SLC9A2: variants seen among roughly 807,000 people sequenced by gnomAD.
SLC9A2 encodes sodium/hydrogen exchanger 2.
A neutral mutation model predicts 71.7 loss-of-function variants in SLC9A2; 42 were observed. The observed-to-expected ratio is 0.59, with a 90% CI of 0.46 to 0.76. The LOEUF is 0.76. Among genes scored for constraint, SLC9A2 ranks in the 30% least tolerant of loss-of-function variants. The pLI, the probability that SLC9A2 is intolerant of heterozygous loss-of-function variation, is 0.00. For synonymous variants in SLC9A2, 396 were observed against 392.5 expected, an observed-to-expected ratio of 1.01 and a Z score of -0.10; for missense variants, 829 against 1,017.4, an observed-to-expected ratio of 0.81 and a Z score of 2.52.
intron 3 of SLC9A2, 138 bp downstream of exon 3, chr2:102,665,488 T>C: frequency 9.5e-7 from 1 of 1,050,212 alleles, no homozygotes. Context: ...AAAAATAGAT[T>C]TTTCGGACGG....
At position 102,619,575 on chromosome 2, in the gene SLC9A2, G is replaced by A; in HGVS notation, c.-274G>A. ...GCTGGAGAGCAGCGCACCGGCATGGGCAGGCGGCCGGCGGCGGAGGGCGGC... is the reference window on the plus strand; with the variant it reads ...GCTGGAGAGCAGCGCACCGGCATGGACAGGCGGCCGGCGGCGGAGGGCGGC... On this transcript the variant is annotated 5_prime_UTR_variant, in exon 1 of 12. Coordinates refer to ENST00000233969, the MANE Select transcript of SLC9A2 (RefSeq NM_003048.6). The surrounding 1 kb of genome is among the most constrained non-coding windows in gnomAD (Gnocchi z 4.3). The A allele has an allele frequency of 1.0e-5, 3 of 289,662 alleles. No homozygotes were observed. The highest frequency in any genetic ancestry group is 1.9e-5 in the Non-Finnish European group (3 of 157,834). 17.9% of individuals were successfully genotyped at this position (289,662 alleles called of 1,614,324 possible). A position where few individuals can be genotyped will look rare whatever the true frequency, so the allele number is the denominator to read the frequency against.
chr2:102,705,771 A>C (rs1677962563), intron 10 of SLC9A2, 75 bp from the exon 11 acceptor site: 2 of 841,322 alleles, frequency 2.4e-6, no homozygotes, highest in Non-Finnish European at 3.6e-6. Flanking sequence ...AAGTTTTGCT[A>C]TACAATTTTT....
At chr2:102,680,016 G>A (rs571188055) in intron 3 of SLC9A2, among the ~76,000 whole-genome samples, 1 of 152,262 alleles carries the variant, frequency 6.6e-6, no homozygotes, top group South Asian at 2.1e-4. Flanking sequence ...GTACTTTGGT[G>A]TTCATGTCTT....
intron 3 of SLC9A2, among the ~76,000 whole-genome samples, chr2:102,678,636 G>A (rs930446575): frequency 2.0e-5 from 3 of 152,166 alleles, no homozygotes; most frequent in Non-Finnish European, 4.4e-5. Flanking sequence ...TGATAGTGTG[G>A]TGGCACTGTG....
intron 2 of SLC9A2, among the ~76,000 whole-genome samples, chr2:102,664,074 A>G (rs1407547276): frequency 6.6e-6 from 1 of 151,956 alleles, no homozygotes; most frequent in Non-Finnish European, 1.5e-5. Context: ...TCAGGAGTTC[A>G]AGACCAGCCT....
chr2:102,632,219 T>A (rs1558701650), intron 1 of SLC9A2, among the ~76,000 whole-genome samples: 1 of 141,486 alleles, frequency 7.1e-6, no homozygotes, highest in East Asian at 2.0e-4. Flanking sequence ...TAAATATATA[T>A]ATTTATTATA....
intron 10 of SLC9A2, among the ~76,000 whole-genome samples, chr2:102,704,918 G>A (rs980321263): frequency 6.6e-6 from 1 of 152,154 alleles, no homozygotes; most frequent in Non-Finnish European, 1.5e-5. Context: ...TCGTGGGCCG[G>A]TCGTGGTGGC....
At chr2:102,689,909 AG>A (rs1262239518) in intron 5 of SLC9A2, 1 of 152,198 alleles carries the variant, frequency 6.6e-6, no homozygotes, top group Non-Finnish European at 1.5e-5. Flanking sequence ...TAGACATCTA[AG>A]TGGAGATGTT....
chr2:102,672,674 G>A (rs1677275199), intron 3 of SLC9A2, among the ~76,000 whole-genome samples: 1 of 152,090 alleles, frequency 6.6e-6, no homozygotes, highest in South Asian at 2.1e-4. Context: ...GTTTCCCTAG[G>A]TCCACATTCG....
chr2:102,623,237 T>C (rs1676178038), intron 1 of SLC9A2, among the ~76,000 whole-genome samples: 1 of 152,176 alleles, frequency 6.6e-6, no homozygotes, highest in African/African-American at 2.4e-5. Context: ...CATCTGAGTG[T>C]CACAGAGATG....
At chr2:102,651,850 A>G (rs1676840628) in intron 1 of SLC9A2, among the ~76,000 whole-genome samples, 1 of 152,236 alleles carries the variant, frequency 6.6e-6, no homozygotes, top group African/African-American at 2.4e-5. Flanking sequence ...TTTCTCGATC[A>G]TATATAATGC....
chr2:102,708,853 GA>G lies in SLC9A2; in HGVS notation c.*370del, dbSNP rs1010535298. The G allele has an allele frequency of 4.8e-6, 1 of 206,752 alleles. No homozygotes were observed. The highest frequency in any genetic ancestry group is 2.4e-5 in the African/African-American group (1 of 42,484). 12.8% of individuals were successfully genotyped at this position (206,752 alleles called of 1,614,324 possible). ...CTTATATGCTTCAAATTTTATTTAT[GA>G]AAAAATATGTATATCTGTAATCAGT... On this transcript the variant is annotated 3_prime_UTR_variant, in exon 12 of 12. Coordinates refer to ENST00000233969, the MANE Select transcript of SLC9A2 (RefSeq NM_003048.6).
At chr2:102,685,567 A>C (rs565408292) in intron 5 of SLC9A2, among the ~76,000 whole-genome samples, 11 of 152,320 alleles carry the variant, frequency 7.2e-5, no homozygotes, top group African/African-American at 2.4e-4. Context: ...AAGTGGTAAG[A>C]TCCTAGAATA....
At chr2:102,680,255 A>G (rs1275306613) in intron 3 of SLC9A2, among the ~76,000 whole-genome samples, 1 of 152,062 alleles carries the variant, frequency 6.6e-6, no homozygotes, top group African/African-American at 2.4e-5. Flanking sequence ...TATATATATA[A>G]AACATGTTAT....
chr2:102,683,846 G>A (rs1046277300), intron 4 of SLC9A2, among the ~76,000 whole-genome samples: 1 of 150,614 alleles, frequency 6.6e-6, no homozygotes, highest in African/African-American at 2.4e-5. Context: ...TGCTCTTCCC[G>A]CCCCTTCCTG....
intron 1 of SLC9A2, among the ~76,000 whole-genome samples, chr2:102,644,360 C>A (rs1157394543): frequency 6.6e-6 from 1 of 152,148 alleles, no homozygotes; most frequent in Non-Finnish European, 1.5e-5. Context: ...ACAACCAGGG[C>A]CCTCGGTTTC....
In SLC9A2 at chr2:102,657,547, T is replaced by C. The variant is rs1454669951; in HGVS notation, c.290-17T>C. On this transcript the variant is annotated splice_polypyrimidine_tract_variant and intron_variant, in intron 1 of 11. Transcript: ENST00000233969. ...CTCCATAACCCAAGTTGTGTGTTTT[T>C]ATTTTTTCCTTACCAGGCTTCCATC... is the stretch of plus-strand genomic sequence containing the variant. 3.9e-6 allele frequency: 6 copies of C among 1,557,456 alleles called. No homozygotes were observed. The highest frequency in any genetic ancestry group is 1.2e-5 in the South Asian group (1 of 82,496).
intron 7 of SLC9A2, among the ~76,000 whole-genome samples, chr2:102,695,758 G>GTATATATATATAATATATATTA (rs1558723166): frequency 2.2e-4 from 20 of 92,642 alleles, no homozygotes; most frequent in African/African-American, 6.5e-4. Flanking sequence ...GAAATAACGT[G>GTATATATATATAATATATATTA]TATATATATA....
intron 5 of SLC9A2, among the ~76,000 whole-genome samples, chr2:102,685,206 C>CT (rs1453572188): frequency 6.6e-6 from 1 of 152,170 alleles, no homozygotes; most frequent in Non-Finnish European, 1.5e-5. Context: ...GGCAAATGGG[C>CT]TGAGGGATCA....
Sources: allele counts gnomAD v4.1 joint callset (sites outside exome capture counted in the v4.1 genomes callset), GRCh38; gene constraint gnomAD v4.1.1; non-coding constraint Gnocchi (gnomAD v3.1); transcripts MANE v1.5; gene names NCBI Gene and HGNC (gene_info 2026-07-23, HGNC 2026-07-21).